Variants in DLGAP1 observed in about 807,000 individuals in gnomAD.
The protein encoded by DLGAP1 is DLG associated protein 1.
DLGAP1 carries 11 observed loss-of-function variants against 90.8 expected under a neutral mutation model. The observed-to-expected ratio is 0.12, with a 90% CI of 0.08 to 0.20. DLGAP1 has a LOEUF of 0.20. Ranked by LOEUF, DLGAP1 falls within the 10% of genes least tolerant of loss-of-function variation. The pLI, the probability that DLGAP1 is intolerant of heterozygous loss-of-function variation, is 1.00. For missense variants in DLGAP1, 1,050 were observed against 1,333.8 expected (o/e 0.79, Z 3.31); for synonymous variants, 558 against 540.7 (o/e 1.03, Z -0.44).
chr18:4,407,776 G>A (rs1191514531), intron 1 of DLGAP1, among the ~76,000 whole-genome samples: 3 of 151,986 alleles, frequency 2.0e-5, no homozygotes, highest in East Asian at 1.9e-4. Context: ...CCAGCTACTC[G>A]GAAGGCTGAG....
chr18:4,253,242 C>A (rs10048368), intron 1 of DLGAP1, among the ~76,000 whole-genome samples: 14,912 of 152,158 alleles, frequency 0.098, 920 homozygotes, highest in African/African-American at 0.16. Flanking sequence ...CCCTAACTAA[C>A]CCCTTGCAGG....
At chr18:4,179,505 C>T (rs7242986) in intron 1 of DLGAP1, among the ~76,000 whole-genome samples, 2 of 151,956 alleles carry the variant, frequency 1.3e-5, no homozygotes, top group Non-Finnish European at 2.9e-5. Context: ...TTGAGTACCA[C>T]GCACTGTGAT....
At chr18:4,088,411 C>T (rs144619008) in intron 2 of DLGAP1, among the ~76,000 whole-genome samples, 277 of 147,532 alleles carry the variant, frequency 1.9e-3, no homozygotes, top group Middle Eastern at 0.014. Context: ...TTTTTATTTA[C>T]CCTCACATAA....
In DLGAP1 at chr18:4,050,267, GA is replaced by G. The variant is rs150194232; in HGVS notation, c.-158-45067del. Among the ~76,000 whole-genome samples, 838 of 151,868 alleles carry G rather than the reference GA, an allele frequency of 5.5e-3. 4 individuals are homozygous for G. The highest frequency in any genetic ancestry group is 0.024 in the South Asian group (116 of 4,800). ...AGTTCTCTTTTTGAGAACTTTAGGA[GA>G]AAAAAAATGCTATCATTCCAAGTCA... On this transcript the variant is annotated intron_variant, in intron 2 of 12. Transcript: ENST00000315677.
At chr18:3,948,854 C>T (rs2072926382) in intron 3 of DLGAP1, among the ~76,000 whole-genome samples, 2 of 151,988 alleles carry the variant, frequency 1.3e-5, no homozygotes, top group African/African-American at 2.4e-5. Flanking sequence ...ACCAAAATCT[C>T]ACAAATCACC....
chr18:3,527,766 AT>A (rs1294631350), intron 10 of DLGAP1, among the ~76,000 whole-genome samples: 24 of 151,942 alleles, frequency 1.6e-4, no homozygotes, highest in African/African-American at 5.8e-4. Flanking sequence ...AATTAAAAAA[AT>A]ATATATTTTT....
At chr18:3,904,527 T>C (rs1023955041) in intron 3 of DLGAP1, among the ~76,000 whole-genome samples, 10 of 152,226 alleles carry the variant, frequency 6.6e-5, no homozygotes, top group African/African-American at 2.2e-4. Flanking sequence ...CCTAAGTCTA[T>C]GGAGTTGAAC....
chr18:3,941,675 A>G (rs1016342668), intron 3 of DLGAP1, among the ~76,000 whole-genome samples: 1 of 152,088 alleles, frequency 6.6e-6, no homozygotes, highest in African/African-American at 2.4e-5. Flanking sequence ...ATATAAAAAC[A>G]TTTTTTTCTG....
chr18:4,163,162 A>G (rs2076874604), intron 1 of DLGAP1, among the ~76,000 whole-genome samples: 1 of 152,254 alleles, frequency 6.6e-6, no homozygotes, highest in Non-Finnish European at 1.5e-5. Flanking sequence ...ATCTTTGCTC[A>G]TAAGCTTGTC....
intron 3 of DLGAP1, among the ~76,000 whole-genome samples, chr18:3,981,207 A>G (rs1390985319): frequency 6.6e-6 from 1 of 152,230 alleles, no homozygotes; most frequent in African/African-American, 2.4e-5. Flanking sequence ...ATTGATGAGA[A>G]CACTCAGTTT....
At chr18:3,838,453 C>T (rs756773931) in intron 4 of DLGAP1, among the ~76,000 whole-genome samples, 1 of 152,162 alleles carries the variant, frequency 6.6e-6, no homozygotes, top group Admixed American at 6.5e-5. Flanking sequence ...CTTGCATACA[C>T]AAAAAGTTCA....
chr18:3,662,342 C>CA (rs1741648044), intron 7 of DLGAP1, among the ~76,000 whole-genome samples: 1 of 151,996 alleles, frequency 6.6e-6, no homozygotes, highest in African/African-American at 2.4e-5. Context: ...CCAAAATAGA[C>CA]AAAAAGGCTT....
chr18:4,236,171 A>G (rs2078410721), intron 1 of DLGAP1, among the ~76,000 whole-genome samples: 1 of 152,188 alleles, frequency 6.6e-6, no homozygotes, highest in Admixed American at 6.5e-5. Flanking sequence ...TAAAATGAGG[A>G]TAAAATAATA....
At chr18:4,448,550 TA>T (rs1735699602) in intron 1 of DLGAP1, among the ~76,000 whole-genome samples, 1 of 152,126 alleles carries the variant, frequency 6.6e-6, no homozygotes, top group South Asian at 2.1e-4. Flanking sequence ...CCATAGTTTA[TA>T]AAAACATGGT....
At chr18:4,254,172 G>A (rs1248166083) in intron 1 of DLGAP1, among the ~76,000 whole-genome samples, 2 of 152,106 alleles carry the variant, frequency 1.3e-5, no homozygotes, top group Admixed American at 6.6e-5. Flanking sequence ...TTCCTCTTAC[G>A]AATTTGGAAT....
chr18:4,232,335 ATTC>A (rs2078317099), intron 1 of DLGAP1, among the ~76,000 whole-genome samples: 2 of 152,180 alleles, frequency 1.3e-5, no homozygotes, highest in African/African-American at 2.4e-5. Context: ...GGCTAAAGGT[ATTC>A]TTCTTTACAT....
At chr18:4,149,026 T>C (rs1488086793) in intron 2 of DLGAP1, among the ~76,000 whole-genome samples, 3 of 152,218 alleles carry the variant, frequency 2.0e-5, no homozygotes, top group Admixed American at 6.5e-5. Context: ...ATAATTTCAG[T>C]CTTGCATTTC....
intron 7 of DLGAP1, among the ~76,000 whole-genome samples, chr18:3,612,985 C>T (rs894145430): frequency 1.1e-4 from 16 of 151,982 alleles, no homozygotes; most frequent in East Asian, 3.9e-4. Flanking sequence ...GGATTACAGG[C>T]GCCCGCCACC....
rs138871958 is a variant in DLGAP1 at position 3,776,994 on chromosome 18, T to C, written c.1173-34482A>G. Among the ~76,000 whole-genome samples the C allele has an allele frequency of 1.1e-3, 154 of 138,028 alleles. 1 individual carries two copies. Among genetic ancestry groups the C allele is most frequent in the African/African-American group, 4.4e-3 (150 of 34,254 alleles). The allele number at this position is 138,028 out of a possible 152,430, so 90.6% of individuals were successfully genotyped here. On this transcript the variant is annotated intron_variant, in intron 5 of 12. Transcript: ENST00000315677. ...GTTTTGTAGAGACAGGGTCTCACTATGTTGCCCAGGTCAGTCTCAAACTCT... is the reference window on the plus strand; with the variant it reads ...GTTTTGTAGAGACAGGGTCTCACTACGTTGCCCAGGTCAGTCTCAAACTCT...
Sources: allele counts gnomAD v4.1 joint callset (sites outside exome capture counted in the v4.1 genomes callset), GRCh38; gene constraint gnomAD v4.1.1; transcripts MANE v1.5; gene names NCBI Gene and HGNC (gene_info 2026-07-23, HGNC 2026-07-21).